Variants in ESRRG observed in about 807,000 individuals in gnomAD.
ESRRG encodes the protein estrogen related receptor gamma.
ESRRG carries 13 observed loss-of-function variants against 44.0 expected under a neutral mutation model. That is an observed-to-expected ratio of 0.30 (90% CI 0.19 to 0.47). ESRRG has a LOEUF of 0.47. ESRRG is among the 20% of genes least tolerant of loss of function. ESRRG has a pLI of 1.00. For synonymous variants in ESRRG, 215 were observed against 214.6 expected, an observed-to-expected ratio of 1.00 and a Z score of -0.02; for missense variants, 395 against 580.6, an observed-to-expected ratio of 0.68 and a Z score of 3.29.
intron 1 of ESRRG, chr1:216,714,973 A>G (rs911491988): frequency 1.9e-6 from 1 of 540,066 alleles, no homozygotes; most frequent in South Asian, 8.0e-5. Flanking sequence ...CTAGGAAAGA[A>G]TCTCTGCCTG....
In ESRRG at chr1:216,791,651, G is replaced by C. The variant is rs530477197; in HGVS notation, c.-13-114160C>G. Among the ~76,000 whole-genome samples the C allele has an allele frequency of 7.8e-4, 119 of 152,164 alleles. 1 individual carries two copies. The highest frequency in any genetic ancestry group is 3.4e-3 in the Middle Eastern group (1 of 294). On this transcript the variant is annotated intron_variant, in intron 2 of 7. Coordinates refer to the ESRRG transcript ENST00000359162. ...CACATTCTAAGATATATTTACAAAA[G>C]TAATCTTGGAATTCACTTTATAAGT...
rs1293177827 is a variant in ESRRG, at chr1:216,503,405, G to A, written c.*3534C>T. 1 of 152,314 alleles carries A rather than the reference G, an allele frequency of 6.6e-6. No individual in the cohort carries two copies. The highest frequency in any genetic ancestry group is 1.5e-5 in the Non-Finnish European group (1 of 67,982). The allele number at this position is 152,314 out of a possible 1,614,324, so 9.4% of individuals were successfully genotyped here. A position where few individuals can be genotyped will look rare whatever the true frequency, so the allele number is the denominator to read the frequency against. ...ATAAAATAAATACATTTACACAAATGGACATTTGCTGGAGCACACAGTATG... is the reference window on the plus strand; with the variant it reads ...ATAAAATAAATACATTTACACAAATAGACATTTGCTGGAGCACACAGTATG... On this transcript the variant is annotated 3_prime_UTR_variant, in exon 7 of 7. Coordinates refer to ENST00000408911, the MANE Select transcript of ESRRG (RefSeq NM_001438.4).
chr1:216,772,514 T>C (rs1252335912), intron 2 of ESRRG, among the ~76,000 whole-genome samples: 7 of 152,124 alleles, frequency 4.6e-5, no homozygotes, highest in African/African-American at 7.2e-5. Flanking sequence ...GACACTAACA[T>C]ATGAACACTG....
At chr1:216,702,608 C>CGAA (rs2081591869) in intron 1 of ESRRG, among the ~76,000 whole-genome samples, 1 of 132,352 alleles carries the variant, frequency 7.6e-6, no homozygotes, top group South Asian at 2.5e-4. Context: ...ACTAAAAATA[C>CGAA]AAAAAAAAAA....
intron 3 of ESRRG, among the ~76,000 whole-genome samples, chr1:216,616,395 A>G (rs1558831328): frequency 6.6e-6 from 1 of 152,210 alleles, no homozygotes; most frequent in Non-Finnish European, 1.5e-5. Context: ...TATCTTTCTC[A>G]AATCAAAAAG....
At chr1:216,769,145 A>G (rs11117670) in intron 2 of ESRRG, among the ~76,000 whole-genome samples, 1,688 of 152,266 alleles carry the variant, frequency 0.011, 26 homozygotes, top group African/African-American at 0.038. Context: ...GAGACAATCA[A>G]TTGATTAGAA....
intron 2 of ESRRG, among the ~76,000 whole-genome samples, chr1:216,752,187 T>C (rs766412973): frequency 6.6e-6 from 1 of 152,140 alleles, no homozygotes; most frequent in African/African-American, 2.4e-5. Context: ...TTAAGTATTT[T>C]TGTAAAAAAT....
intron 1 of ESRRG, among the ~76,000 whole-genome samples, chr1:217,014,396 T>C (rs188896425): frequency 1.1e-4 from 17 of 152,292 alleles, no homozygotes; most frequent in South Asian, 8.3e-4. Flanking sequence ...GTGACTCTTT[T>C]CTAACATACC....
intron 3 of ESRRG, among the ~76,000 whole-genome samples, chr1:216,590,306 G>T (rs1257007483): frequency 2.6e-5 from 4 of 152,108 alleles, no homozygotes; most frequent in Non-Finnish European, 5.9e-5. Flanking sequence ...TTCGTGGTAT[G>T]GAACTGGATT....
intron 3 of ESRRG, among the ~76,000 whole-genome samples, chr1:216,575,100 C>A (rs988036200): frequency 6.6e-6 from 1 of 152,082 alleles, no homozygotes; most frequent in African/African-American, 2.4e-5. Flanking sequence ...TGATGGGGTT[C>A]TCCTTCGGGA....
chr1:216,916,424 G>A (rs1330374525), intron 2 of ESRRG, among the ~76,000 whole-genome samples: 3 of 152,218 alleles, frequency 2.0e-5, no homozygotes, highest in South Asian at 2.1e-4. Context: ...GTGAAAGACA[G>A]GAATTCATTA....
At chr1:216,802,974 G>T (rs1385069066) in intron 2 of ESRRG, among the ~76,000 whole-genome samples, 3 of 152,008 alleles carry the variant, frequency 2.0e-5, no homozygotes, top group Admixed American at 1.3e-4. Context: ...TCGTCTTTTG[G>T]TATTTTCATT....
At chr1:216,567,167 A>G (rs1412040618) in intron 4 of ESRRG, among the ~76,000 whole-genome samples, 2 of 152,172 alleles carry the variant, frequency 1.3e-5, no homozygotes, top group African/African-American at 2.4e-5. Flanking sequence ...GTTTTCACCA[A>G]AGCGCTCCTC....
intron 1 of ESRRG, among the ~76,000 whole-genome samples, chr1:217,053,815 G>A (rs1372178533): frequency 2.6e-5 from 4 of 152,064 alleles, no homozygotes; most frequent in African/African-American, 9.7e-5. Flanking sequence ...CCAGACATGG[G>A]GGCAACATGG....
chr1:216,914,181 G>A (rs147016053), intron 2 of ESRRG, among the ~76,000 whole-genome samples: 391 of 151,974 alleles, frequency 2.6e-3, no homozygotes, highest in African/African-American at 8.3e-3. Context: ...AAGATAAAGC[G>A]AATCCTTTGG....
intron 5 of ESRRG, among the ~76,000 whole-genome samples, chr1:216,539,052 A>G (rs548668177): frequency 6.6e-6 from 1 of 152,182 alleles, no homozygotes; most frequent in South Asian, 2.1e-4. Flanking sequence ...ATACATGCTT[A>G]TTTCTCAAAT....
At chr1:216,546,956 G>GC (rs1280607677) in intron 5 of ESRRG, among the ~76,000 whole-genome samples, 1 of 151,208 alleles carries the variant, frequency 6.6e-6, no homozygotes, top group Non-Finnish European at 1.5e-5. Context: ...CCCTCCCCTA[G>GC]CCCCCCATCC....
At chr1:217,108,704 TCTC>T (rs1463342812) in intron 1 of ESRRG, among the ~76,000 whole-genome samples, 1 of 151,934 alleles carries the variant, frequency 6.6e-6, no homozygotes, top group Non-Finnish European at 1.5e-5. Context: ...TACTCCCTCT[TCTC>T]CTTCTGCCAT....
At position 216,647,284 on chromosome 1, in the gene ESRRG, A is replaced by C. The variant is rs377102939; in HGVS notation, c.589+3689T>G. Among the ~76,000 whole-genome samples, 27 of 152,296 alleles carry C rather than the reference A, an allele frequency of 1.8e-4. 1 individual carries two copies. In the East Asian group the frequency reaches 2.9e-3, roughly 16 times the overall value. Reference sequence around the variant, plus strand: ...AGTATGGTATAATGACAAAAAAATAATGCTGGCCCATCATTTGTGACACTT... The same window carrying C: ...AGTATGGTATAATGACAAAAAAATACTGCTGGCCCATCATTTGTGACACTT... On this transcript the variant is annotated intron_variant, in intron 3 of 6. Coordinates refer to ENST00000408911, the MANE Select transcript of ESRRG (RefSeq NM_001438.4).
Sources: gnomAD v4.1 joint callset for allele counts (sites outside exome capture counted in the v4.1 genomes callset) on GRCh38, gnomAD v4.1.1 for gene constraint, MANE v1.5 for transcripts, NCBI Gene and HGNC (gene_info 2026-07-23, HGNC 2026-07-21) for gene names.